The following MCM8 variants were observed in gnomAD, a reference collection of about 807,000 sequenced individuals.
MCM8 encodes minichromosome maintenance 8 homologous recombination repair factor, also known as DNA helicase MCM8.
A neutral mutation model predicts 98.9 loss-of-function variants in MCM8; 85 were observed. That is an observed-to-expected ratio of 0.86 (90% CI 0.72 to 1.03). The LOEUF is 1.03. MCM8 is among the 50% of genes least tolerant of loss of function. The probability of loss-of-function intolerance (pLI) is 0.00; values close to 1 mark genes in which losing one functional copy is unlikely to be tolerated. For missense variants in MCM8, 951 were observed against 997.8 expected (o/e 0.95, Z 0.63); for synonymous variants, 352 against 338.6 (o/e 1.04, Z -0.44).
rs2089194278 is a variant in MCM8 at position 5,963,296 on chromosome 20, G to C, written c.812G>C (p.Gly271Ala). ...PTKCPVPVCR[G>A]RSFTALRSSP... ...CAGTGTCCTGTGCCTGTGTGTCGAG[G>C]CAGGTCATTTACTGCTCTCCGCAGC... Residue 271 changes from glycine (G) to alanine (A), a missense_variant, in exon 8 of 19, where the codon GGC becomes GCC. Gly to Ala is a moderately conservative substitution (Grantham distance 60). Coordinates refer to ENST00000610722, the MANE Select transcript of MCM8 (RefSeq NM_032485.6). The C allele has an allele frequency of 6.2e-7, 1 of 1,613,878 alleles. No individual in the cohort carries two copies. The highest frequency in any genetic ancestry group is 1.1e-5 in the South Asian group (1 of 91,084).
chr20:5,969,021 C>T (rs1325343612), intron 10 of MCM8, among the ~76,000 whole-genome samples: 1 of 152,210 alleles, frequency 6.6e-6, no homozygotes, highest in Non-Finnish European at 1.5e-5. Flanking sequence ...TGGGCATTTA[C>T]TTCCAGTGTG....
At chr20:5,987,174 G>A (rs778178907) in intron 16 of MCM8, 108 bp from the exon 17 acceptor site, 42 of 1,051,818 alleles carry the variant, frequency 4.0e-5, no homozygotes, top group Non-Finnish European at 5.6e-5. Flanking sequence ...AACCTTCCTC[G>A]CCTAAAGGTC....
intron 18 of MCM8, chr20:5,993,977 T>G (rs2089906012): frequency 2.8e-6 from 1 of 352,218 alleles, no homozygotes; most frequent in African/African-American, 2.1e-5. Flanking sequence ...CTCGTGAAAA[T>G]CAATGTAATA....
At chr20:5,956,608 G>A (rs1042449490) in intron 5 of MCM8, among the ~76,000 whole-genome samples, 5 of 152,012 alleles carry the variant, frequency 3.3e-5, no homozygotes, top group African/African-American at 1.2e-4. Flanking sequence ...TGGTCGGGCT[G>A]GTCTCAAACT....
intron 18 of MCM8, 118 bp downstream of exon 18, chr20:5,993,813 T>C (rs2089902326): frequency 1.3e-6 from 1 of 799,138 alleles, no homozygotes; most frequent in African/African-American, 1.7e-5. Context: ...CTCAAAGGTT[T>C]TCAGCATCTT....
intron 13 of MCM8, among the ~76,000 whole-genome samples, chr20:5,979,760 G>A (rs1213945378): frequency 2.0e-5 from 3 of 152,192 alleles, no homozygotes; most frequent in South Asian, 2.1e-4. Context: ...CTGTAACCAC[G>A]CTTGCCCCTT....
intron 7 of MCM8, among the ~76,000 whole-genome samples, chr20:5,960,808 G>C (rs372983837): frequency 6.6e-6 from 1 of 152,124 alleles, no homozygotes; most frequent in Non-Finnish European, 1.5e-5. Flanking sequence ...GGTGGCACAT[G>C]CCTGTAATCC....
In MCM8 at chr20:5,958,665, C is replaced by G. The variant is rs2089053103; in HGVS notation, c.728C>G (p.Ala243Gly). 6.2e-7 allele frequency: 1 copy of G among 1,613,974 alleles called. No homozygotes were observed. Among genetic ancestry groups the G allele is most frequent in the Non-Finnish European group, 8.5e-7 (1 of 1,180,006 alleles). ...TGCACCAAGATGGCTTTTCTTTGTG[C>G]TGCATGTGGAGAAATTCAGAGCTTT... is the stretch of plus-strand genomic sequence containing the variant. ...PLCTKMAFLCAACGEIQSFPL... is the reference protein window; with the variant it reads ...PLCTKMAFLCGACGEIQSFPL... Residue 243 changes from alanine (A) to glycine (G), a missense_variant, in exon 7 of 19, where the codon GCT becomes GGT. Transcript: ENST00000610722.
chr20:5,952,078 A>G lies in MCM8; in HGVS notation c.63A>G (p.Gly21=). The G allele has an allele frequency of 6.2e-7, 1 of 1,614,074 alleles. No individual in the cohort carries two copies. Among genetic ancestry groups the G allele is most frequent in the South Asian group, 1.1e-5 (1 of 91,076 alleles). The part of the protein sequence containing the change: ...GRGRFQSWKR[G]RGGGNFSGKW... ...GAAGATTTCAAAGCTGGAAAAGGGG[A>G]AGAGGTGGTGGGAACTTCTCAGGAA... Residue 21 remains glycine (G), a synonymous_variant, in exon 2 of 19, where the codon GGA becomes GGG. Coordinates refer to ENST00000610722, the MANE Select transcript of MCM8 (RefSeq NM_032485.6).
chr20:5,977,813 C>T (rs2089544181), intron 12 of MCM8, 63 bp from the exon 13 acceptor site: 3 of 1,576,598 alleles, frequency 1.9e-6, no homozygotes, highest in Non-Finnish European at 2.6e-6. Flanking sequence ...TTGTGAGCAA[C>T]TGCTGTTAGC....
chr20:5,986,036 C>G lies in MCM8; in HGVS notation c.2068C>G (p.Gln690Glu), dbSNP rs991276957. Residue 690 changes from glutamine (Q) to glutamate (E), a missense_variant, in exon 16 of 19, where the codon CAA becomes GAA. Coordinates refer to ENST00000610722, the MANE Select transcript of MCM8 (RefSeq NM_032485.6). The part of the protein sequence containing the change: ...RLSTEAARVL[Q>E]DFYLELRKQS... ...ATCCACAGAAGCTGCTCGAGTTCTT[C>G]AAGATTTTTACCTTGAGCTCCGGAA... The G allele has an allele frequency of 2.5e-6, 4 of 1,614,156 alleles. 1 individual carries two copies. The highest frequency in any genetic ancestry group is 3.3e-4 in the Middle Eastern group (2 of 6,062).
intron 17 of MCM8, among the ~76,000 whole-genome samples, chr20:5,989,689 G>A (rs367689949): frequency 1.7e-4 from 26 of 152,088 alleles, no homozygotes; most frequent in African/African-American, 6.3e-4. Context: ...GCCTGGTACT[G>A]CCCCATCCCT....
At chr20:5,988,894 G>T (rs770974443) in intron 17 of MCM8, among the ~76,000 whole-genome samples, 2 of 152,090 alleles carry the variant, frequency 1.3e-5, no homozygotes, top group Non-Finnish European at 2.9e-5. Flanking sequence ...TTCCCCTTTG[G>T]CTGTGAATAA....
At chr20:5,988,951 A>G (rs1382945101) in intron 17 of MCM8, among the ~76,000 whole-genome samples, 1 of 152,076 alleles carries the variant, frequency 6.6e-6, no homozygotes, top group Non-Finnish European at 1.5e-5. Flanking sequence ...TTCAACCTGG[A>G]GCTGCCATGG....
Position 5,958,611 on chromosome 20 carries a change from T to C in MCM8, c.674T>C (p.Val225Ala), listed in dbSNP as rs1299493118. 1.9e-6 allele frequency: 3 copies of C among 1,613,972 alleles called. No individual in the cohort carries two copies. The highest frequency in any genetic ancestry group is 8.5e-7 in the Non-Finnish European group (1 of 1,179,980). Residue 225 changes from valine to alanine, a missense_variant, in exon 7 of 19, where the codon GTG becomes GCG. Transcript: ENST00000610722. ...YGKYIALRGT[V>A]VRVSNIKPLC... ...AAATACATTGCTCTAAGAGGGACAG[T>C]GGTTCGTGTCAGTAATATAAAGCCT...
At chr20:5,951,092 C>A (rs1020860900) in intron 1 of MCM8, 69 bp downstream of exon 1, 1 of 152,202 alleles carries the variant, frequency 6.6e-6, no homozygotes, top group Non-Finnish European at 1.5e-5. Flanking sequence ...CCAACTGTTT[C>A]TTTTTACTCT....
Position 5,983,004 on chromosome 20 carries a change from G to A in MCM8, c.1572G>A (p.Gly524=). The A allele has an allele frequency of 6.2e-7, 1 of 1,613,218 alleles. No homozygotes were observed. Among genetic ancestry groups the A allele is most frequent in the Admixed American group, 1.7e-5 (1 of 59,724 alleles). The change falls in exon 14 of 19, where the codon GGG becomes GGA. Residue 524 remains glycine (G), a synonymous_variant. Coordinates refer to ENST00000610722, the MANE Select transcript of MCM8 (RefSeq NM_032485.6). The part of the protein sequence containing the change: ...ICGIDEFDKM[G]NQHQALLEAM... ...GAATCGATGAATTTGATAAGATGGG[G>A]AATCAACATCAAGCCTTGTTGGAAG...
intron 14 of MCM8, among the ~76,000 whole-genome samples, chr20:5,984,580 G>A (rs1437878600): frequency 6.6e-6 from 1 of 152,160 alleles, no homozygotes; most frequent in African/African-American, 2.4e-5. Flanking sequence ...ACCTACCCAG[G>A]GTAGATACAT....
intron 7 of MCM8, among the ~76,000 whole-genome samples, chr20:5,961,103 T>C (rs747963437): frequency 1.6e-4 from 25 of 152,324 alleles, no homozygotes; most frequent in Non-Finnish European, 1.2e-4. Flanking sequence ...AAGCTGGGCA[T>C]GGTGGCATAT....
Sources: gnomAD v4.1 joint callset for allele counts (sites outside exome capture counted in the v4.1 genomes callset) on GRCh38, gnomAD v4.1.1 for gene constraint, MANE v1.5 for transcripts, NCBI Gene and HGNC (gene_info 2026-07-23, HGNC 2026-07-21) for gene names.